The following MGAT5 variants were observed in gnomAD, a reference collection of about 807,000 sequenced individuals.
MGAT5 encodes the protein alpha-1,6-mannosylglycoprotein 6-beta-N-acetylglucosaminyltransferase, also known as alpha-1,6-mannosylglycoprotein 6-beta-N-acetylglucosaminyltransferase A.
MGAT5 carries 30 observed loss-of-function variants against 94.3 expected under a neutral mutation model. The observed-to-expected ratio is 0.32, with a 90% CI of 0.24 to 0.43. The LOEUF is 0.43. Among genes scored for constraint, MGAT5 ranks in the 20% least tolerant of loss-of-function variants. The pLI, the probability that MGAT5 is intolerant of heterozygous loss-of-function variation, is 1.00. For synonymous variants in MGAT5, 310 were observed against 322.9 expected (o/e 0.96, Z 0.43); for missense variants, 691 against 905.5 (o/e 0.76, Z 3.04).
At chr2:134,191,458 A>AC (rs1208465340) in intron 1 of MGAT5, among the ~76,000 whole-genome samples, 59 of 139,528 alleles carry the variant, frequency 4.2e-4, no homozygotes, top group East Asian at 3.2e-3. Flanking sequence ...CCCTCCCCCT[A>AC]CCCCCCCCAC....
chr2:134,131,246 A>G (rs902880653), intron 1 of MGAT5, among the ~76,000 whole-genome samples: 2 of 152,188 alleles, frequency 1.3e-5, no homozygotes, highest in Non-Finnish European at 1.5e-5. Flanking sequence ...AAGAACCGTC[A>G]CACTCACCGC....
At chr2:134,443,223 T>C (rs1685584394) in intron 15 of MGAT5, among the ~76,000 whole-genome samples, 1 of 152,166 alleles carries the variant, frequency 6.6e-6, no homozygotes, top group South Asian at 2.1e-4. Flanking sequence ...AGGGTCTCTC[T>C]CTTTTGCCTA....
chr2:134,366,716 T>C (rs886331334), intron 10 of MGAT5, among the ~76,000 whole-genome samples: 2 of 152,218 alleles, frequency 1.3e-5, no homozygotes, highest in Non-Finnish European at 2.9e-5. Context: ...GGAGACTCTT[T>C]CTCACAAGCA....
At chr2:134,267,526 A>C (rs776195520) in intron 1 of MGAT5, among the ~76,000 whole-genome samples, 2 of 152,084 alleles carry the variant, frequency 1.3e-5, no homozygotes, top group African/African-American at 4.8e-5. Context: ...TCCATGTCAC[A>C]CAGTCACAGA....
intron 1 of MGAT5, among the ~76,000 whole-genome samples, chr2:134,155,806 T>G (rs966123666): frequency 5.3e-5 from 8 of 152,006 alleles, no homozygotes. Flanking sequence ...TTGCACATGG[T>G]GTTCTTTTTC....
intron 1 of MGAT5, among the ~76,000 whole-genome samples, chr2:134,191,895 C>G (rs970081921): frequency 3.4e-5 from 5 of 149,132 alleles, no homozygotes; most frequent in African/African-American, 1.2e-4. Flanking sequence ...AGTTCACGCC[C>G]TCTTTCTCCT....
chr2:134,158,012 C>G (rs1422671792), intron 1 of MGAT5, among the ~76,000 whole-genome samples: 1 of 152,224 alleles, frequency 6.6e-6, no homozygotes, highest in Non-Finnish European at 1.5e-5. Context: ...GTTCTGATAT[C>G]TGGCCGAGTC....
chr2:134,396,977 T>G (rs1682750639), intron 10 of MGAT5, among the ~76,000 whole-genome samples: 1 of 152,164 alleles, frequency 6.6e-6, no homozygotes, highest in Admixed American at 6.5e-5. Context: ...AAGGTTCTTT[T>G]GGGCATTAGC....
At chr2:134,163,204 T>G (rs1687816803) in intron 1 of MGAT5, among the ~76,000 whole-genome samples, 1 of 152,114 alleles carries the variant, frequency 6.6e-6, no homozygotes, top group Admixed American at 6.6e-5. Flanking sequence ...GAAAATAACC[T>G]AGCTACGATA....
intron 9 of MGAT5, among the ~76,000 whole-genome samples, chr2:134,353,413 G>A (rs1203461402): frequency 1.3e-5 from 2 of 152,100 alleles, no homozygotes; most frequent in African/African-American, 2.4e-5. Flanking sequence ...TAGGAACCAC[G>A]ATGTTTAGTA....
chr2:134,232,276 A>T (rs931411852), intron 1 of MGAT5, among the ~76,000 whole-genome samples: 1 of 152,140 alleles, frequency 6.6e-6, no homozygotes, highest in Admixed American at 6.5e-5. Context: ...CCCATCCTCT[A>T]CACAGCAGCC....
chr2:134,144,424 A>G, intron 1 of MGAT5, among the ~76,000 whole-genome samples: 1 of 152,168 alleles, frequency 6.6e-6, no homozygotes, highest in Admixed American at 6.5e-5. Flanking sequence ...TCAGGAGAAT[A>G]GCACCTAGGG....
chr2:134,360,409 A>G (rs761222157), intron 9 of MGAT5, among the ~76,000 whole-genome samples: 4 of 152,196 alleles, frequency 2.6e-5, no homozygotes, highest in Non-Finnish European at 5.9e-5. Flanking sequence ...TTAGTATATT[A>G]TAACATGAAA....
chr2:134,154,817 G>C (rs892375161), intron 1 of MGAT5, among the ~76,000 whole-genome samples: 2 of 152,184 alleles, frequency 1.3e-5, no homozygotes, highest in African/African-American at 2.4e-5. Flanking sequence ...GAGAAACTCT[G>C]CTTGTTAAAA....
upstream of MGAT5, among the ~76,000 whole-genome samples, chr2:134,252,327 G>A (rs1294579609): frequency 6.6e-6 from 1 of 152,202 alleles, no homozygotes; most frequent in Non-Finnish European, 1.5e-5. Flanking sequence ...GAGCAGACCA[G>A]CAGGTACGTA....
chr2:134,390,067 T>C (rs1437717650), intron 10 of MGAT5, among the ~76,000 whole-genome samples: 1 of 152,228 alleles, frequency 6.6e-6, no homozygotes, highest in Non-Finnish European at 1.5e-5. Flanking sequence ...TTTTTGATTG[T>C]TGGAGCCATG....
In MGAT5 at chr2:134,338,306, G is replaced by T. The variant is rs149155318; in HGVS notation, c.693G>T (p.Lys231Asn). 3.7e-6 allele frequency: 6 copies of T among 1,613,034 alleles called. No homozygotes were observed. The Admixed American group carries it at 6.7e-5, about 18-fold the overall frequency. The change falls in exon 6 of 16, where the codon AAG becomes AAT. Residue 231 changes from lysine to asparagine, a missense_variant. Lys to Asn is a moderately conservative substitution (Grantham distance 94, BLOSUM62 0). Transcript: ENST00000281923. ...ATATTCTCTACAGTATGATGAAAAA[G>T]CATGAAGAATTCCGGTGGATGAGAC... ...DFNILYSMMK[K>N]HEEFRWMRLR...
rs114767272 is a variant in MGAT5 at position 134,371,190 on chromosome 2, A to G, written c.1380+8782A>G. Among the ~76,000 whole-genome samples, 310 of 152,304 alleles carry G rather than the reference A, an allele frequency of 2.0e-3. 5 individuals carry two copies. Among genetic ancestry groups the G allele is most frequent in the African/African-American group, 6.8e-3 (281 of 41,572 alleles). On this transcript the variant is annotated intron_variant, in intron 10 of 15. Coordinates refer to ENST00000281923, the MANE Select transcript of MGAT5 (RefSeq NM_002410.5). ...CCCGGATTCTCATTTCCGTTGAGCC[A>G]TTTATTGGGTACGTGTCCTCTGAAG...
chr2:134,214,991 CCTGA>C (rs1257849525), intron 1 of MGAT5, among the ~76,000 whole-genome samples: 1 of 152,164 alleles, frequency 6.6e-6, no homozygotes, highest in East Asian at 1.9e-4. Context: ...ACGCCTCAAT[CCTGA>C]CTGTTTTAGC....
Sources: allele counts gnomAD v4.1 joint callset (sites outside exome capture counted in the v4.1 genomes callset), GRCh38; gene constraint gnomAD v4.1.1; transcripts MANE v1.5; gene names NCBI Gene and HGNC (gene_info 2026-07-23, HGNC 2026-07-21).